NOS1AP: variants seen among roughly 807,000 people sequenced by gnomAD.
NOS1AP encodes nitric oxide synthase 1 adaptor protein, also known as carboxyl-terminal PDZ ligand of neuronal nitric oxide synthase protein.
Under a neutral mutation model 56.2 loss-of-function variants are expected in NOS1AP, and 21 were observed. The observed-to-expected ratio is 0.37, with a 90% CI of 0.26 to 0.54. The LOEUF (loss-of-function observed/expected upper bound fraction) is 0.54, where lower values mean the gene tolerates loss of function less well. Among genes scored for constraint, NOS1AP ranks in the 20% least tolerant of loss-of-function variants. The pLI is 0.84. For synonymous variants in NOS1AP, 270 were observed against 274.6 expected, an observed-to-expected ratio of 0.98 and a Z score of 0.17; for missense variants, 522 against 657.8, an observed-to-expected ratio of 0.79 and a Z score of 2.26.
intron 1 of NOS1AP, among the ~76,000 whole-genome samples, chr1:162,106,636 T>G (rs1401149657): frequency 1.3e-5 from 2 of 152,244 alleles, no homozygotes; most frequent in African/African-American, 4.8e-5. Flanking sequence ...CTTATAATAC[T>G]ATGAAAAGAT....
intron 8 of NOS1AP, 23 bp from the exon 9 acceptor site, chr1:162,365,381 C>G: frequency 6.2e-7 from 1 of 1,614,080 alleles, no homozygotes; most frequent in Non-Finnish European, 8.5e-7. Context: ...CCTGTCTTCT[C>G]TGCCGCTGCC....
intron 1 of NOS1AP, among the ~76,000 whole-genome samples, chr1:162,111,276 G>T (rs975351027): frequency 6.6e-6 from 1 of 152,176 alleles, no homozygotes; most frequent in African/African-American, 2.4e-5. Flanking sequence ...AAACTGGCTT[G>T]GTATGTTTGG....
intron 3 of NOS1AP, among the ~76,000 whole-genome samples, chr1:162,289,215 TCCTTCCTTC>T (rs1655190654): frequency 5.0e-5 from 1 of 19,846 alleles, no homozygotes; most frequent in African/African-American, 2.2e-4. Context: ...TTCCTTTCCT[TCCTTCCTTC>T]CTTCCTTCCT....
At position 162,234,708 on chromosome 1, in the gene NOS1AP, C is replaced by T. The variant is rs376683382; in HGVS notation, c.178-52636C>T. ...GTTTCTATCACAGGAGGAATGGGTG[C>T]TGCCATAACTCCTGAGTCCATTCCA... On this transcript the variant is annotated intron_variant, in intron 2 of 9. Coordinates refer to ENST00000361897, the MANE Select transcript of NOS1AP (RefSeq NM_014697.3). 1.8e-4 allele frequency among the ~76,000 whole-genome samples: 27 copies of T among 152,274 alleles called. 1 individual carries two copies. The highest frequency in any genetic ancestry group is 6.3e-4 in the African/African-American group (26 of 41,544).
intron 2 of NOS1AP, among the ~76,000 whole-genome samples, chr1:162,226,779 A>G (rs1436014674): frequency 6.6e-6 from 1 of 152,190 alleles, no homozygotes; most frequent in Admixed American, 6.5e-5. Context: ...AACAAGTGGT[A>G]AATATCCCCA....
At chr1:162,178,976 G>A (rs1208823948) in intron 2 of NOS1AP, among the ~76,000 whole-genome samples, 3 of 152,212 alleles carry the variant, frequency 2.0e-5, no homozygotes, top group Middle Eastern at 3.4e-3. Flanking sequence ...ATTTGTTTGT[G>A]GGGTTTTTTG....
chr1:162,231,242 T>A (rs981903146), intron 2 of NOS1AP, among the ~76,000 whole-genome samples: 2 of 152,218 alleles, frequency 1.3e-5, no homozygotes, highest in African/African-American at 4.8e-5. Context: ...ATTAGTGATG[T>A]TGAGCAGCTT....
intron 2 of NOS1AP, among the ~76,000 whole-genome samples, chr1:162,176,412 G>A (rs1651060332): frequency 6.7e-6 from 1 of 150,104 alleles, no homozygotes; most frequent in Non-Finnish European, 1.5e-5. Flanking sequence ...CATGTAATTA[G>A]AATCATAGAA....
intron 1 of NOS1AP, among the ~76,000 whole-genome samples, chr1:162,078,330 C>T (rs559843881): frequency 2.0e-5 from 3 of 152,144 alleles, no homozygotes; most frequent in Non-Finnish European, 4.4e-5. Context: ...TTAACGACCC[C>T]ACCATCCTCT....
chr1:162,340,056 G>A (rs1363277501), intron 5 of NOS1AP, among the ~76,000 whole-genome samples: 1 of 152,210 alleles, frequency 6.6e-6, no homozygotes, highest in African/African-American at 2.4e-5. Flanking sequence ...TAGATAGGAA[G>A]GGCAATTCTT....
intron 2 of NOS1AP, among the ~76,000 whole-genome samples, chr1:162,256,150 A>G (rs1210346339): frequency 6.6e-6 from 1 of 152,064 alleles, no homozygotes; most frequent in Non-Finnish European, 1.5e-5. Flanking sequence ...TCTCAAGAAG[A>G]AAAGAAAAAA....
chr1:162,360,333 G>A (rs1657860020), intron 8 of NOS1AP, among the ~76,000 whole-genome samples: 2 of 152,184 alleles, frequency 1.3e-5, no homozygotes, highest in Admixed American at 1.3e-4. Flanking sequence ...CCTGCTTTTA[G>A]GTGGACCAGA....
At chr1:162,333,383 G>A (rs1281680549) in intron 5 of NOS1AP, among the ~76,000 whole-genome samples, 5 of 152,140 alleles carry the variant, frequency 3.3e-5, no homozygotes, top group African/African-American at 9.7e-5. Flanking sequence ...AAACAGCACC[G>A]GGAGTGATGC....
chr1:162,340,344 C>G (rs1019777476), intron 5 of NOS1AP, among the ~76,000 whole-genome samples: 1 of 152,176 alleles, frequency 6.6e-6, no homozygotes, highest in Non-Finnish European at 1.5e-5. Flanking sequence ...ACCAAAGATC[C>G]ATTTGGCTCA....
intron 1 of NOS1AP, among the ~76,000 whole-genome samples, chr1:162,103,097 T>C (rs1647365747): frequency 6.6e-6 from 1 of 152,172 alleles, no homozygotes; most frequent in South Asian, 2.1e-4. Flanking sequence ...CTCTTAACAC[T>C]GTTTTAGCTG....
intron 2 of NOS1AP, among the ~76,000 whole-genome samples, chr1:162,209,976 C>T (rs535876045): frequency 1.2e-4 from 18 of 152,248 alleles, no homozygotes; most frequent in African/African-American, 3.9e-4. Context: ...AGATATCAGA[C>T]GAGTGACCAG....
chr1:162,199,632 G>C (rs867967321), intron 2 of NOS1AP, among the ~76,000 whole-genome samples: 2 of 143,974 alleles, frequency 1.4e-5, no homozygotes, highest in East Asian at 3.9e-4. Flanking sequence ...GTGTGTGTGT[G>C]TGTGTGTGTC....
chr1:162,308,355 A>G (rs534472494), intron 4 of NOS1AP, among the ~76,000 whole-genome samples: 1 of 152,298 alleles, frequency 6.6e-6, no homozygotes, highest in African/African-American at 2.4e-5. Flanking sequence ...TAAGAGACAT[A>G]GAGTATGTGA....
intron 2 of NOS1AP, among the ~76,000 whole-genome samples, chr1:162,167,077 G>C (rs915839137): frequency 4.6e-5 from 7 of 152,198 alleles, no homozygotes; most frequent in Admixed American, 3.9e-4. Context: ...GGCAGCTGCT[G>C]TTCCTTACTC....
Sources: allele counts gnomAD v4.1 joint callset (sites outside exome capture counted in the v4.1 genomes callset), GRCh38; gene constraint gnomAD v4.1.1; transcripts MANE v1.5; gene names NCBI Gene and HGNC (gene_info 2026-07-23, HGNC 2026-07-21).